The following CASD1 variants were observed in gnomAD, a reference collection of about 807,000 sequenced individuals.
CASD1 encodes N-acetylneuraminate (7)9-O-acetyltransferase.
In CASD1, 41 loss-of-function variants were observed where a neutral mutation model predicts 100.0. That is an observed-to-expected ratio of 0.41 (90% CI 0.32 to 0.53). The LOEUF (loss-of-function observed/expected upper bound fraction) is 0.53, where lower values mean the gene tolerates loss of function less well. Among genes scored for constraint, CASD1 ranks in the 20% least tolerant of loss-of-function variants. The pLI is 0.25. For missense variants in CASD1, 774 were observed against 948.7 expected, an observed-to-expected ratio of 0.82 and a Z score of 2.42; for synonymous variants, 321 against 315.6, an observed-to-expected ratio of 1.02 and a Z score of -0.18.
At chr7:94,515,148 A>G (rs548275961) in intron 1 of CASD1, among the ~76,000 whole-genome samples, 2 of 152,060 alleles carry the variant, frequency 1.3e-5, no homozygotes, top group Non-Finnish European at 2.9e-5. Flanking sequence ...CTACTTAGCA[A>G]TCCTTTATAT....
the CASD1 span, among the ~76,000 whole-genome samples, chr7:94,577,541 C>G: frequency 8.6e-4 from 131 of 152,288 alleles, 1 homozygote; most frequent in African/African-American, 3.0e-3. Flanking sequence ...CACAGAGACT[C>G]AGGATTATCC....
At chr7:94,582,165 T>G in the CASD1 span, among the ~76,000 whole-genome samples, 2 of 152,336 alleles carry the variant, frequency 1.3e-5, no homozygotes, top group South Asian at 2.1e-4. Flanking sequence ...TCGCCCAGAC[T>G]GAAGTGCAGT....
chr7:94,545,597 G>A lies in CASD1; in HGVS notation c.1529G>A (p.Arg510Gln), dbSNP rs774485536. ...GTGGTGTTATGTATAGTAATGGATCGACCTTATCAATTCTATTACTTTGTC... is the reference window on the plus strand; with the variant it reads ...GTGGTGTTATGTATAGTAATGGATCAACCTTATCAATTCTATTACTTTGTC... ...LVVVLCIVMD[R>Q]PYQFYYFVPL... is the part of the protein sequence containing the mutation. The change falls in exon 12 of 18, where the codon CGA becomes CAA. Residue 510 changes from arginine (R) to glutamine (Q), a missense_variant. This residue lies in a region of CASD1 where 453 missense variants were observed against 532.6 expected (regional missense o/e 0.85). Coordinates refer to ENST00000297273, the MANE Select transcript of CASD1 (RefSeq NM_022900.5). 26 of 1,608,244 alleles carry A rather than the reference G, an allele frequency of 1.6e-5. No individual in the cohort carries two copies. The highest frequency in any genetic ancestry group is 2.2e-5 in the East Asian group (1 of 44,768).
At chr7:94,514,841 G>A (rs772605886) in intron 1 of CASD1, among the ~76,000 whole-genome samples, 4 of 152,050 alleles carry the variant, frequency 2.6e-5, no homozygotes, top group African/African-American at 7.2e-5. Flanking sequence ...CACATTAGTT[G>A]TGTTAAAATA....
downstream of CASD1, among the ~76,000 whole-genome samples, chr7:94,561,779 A>G (rs192964172): frequency 1.3e-5 from 2 of 152,242 alleles, no homozygotes; most frequent in African/African-American, 2.4e-5. Flanking sequence ...ACCGTCAGCT[A>G]GCTAATATCT....
chr7:94,565,519 A>G, the CASD1 span, among the ~76,000 whole-genome samples: 1 of 152,174 alleles, frequency 6.6e-6, no homozygotes, highest in East Asian at 1.9e-4. Flanking sequence ...GTGAGCAATA[A>G]CCCACTGACT....
the CASD1 span, among the ~76,000 whole-genome samples, chr7:94,594,034 C>T: frequency 2.6e-5 from 4 of 152,178 alleles, no homozygotes; most frequent in African/African-American, 4.8e-5. Flanking sequence ...TCTGACACAA[C>T]GTGGTTTGGG....
chr7:94,618,953 A>C, the CASD1 span: 1 of 1,611,554 alleles, frequency 6.2e-7, no homozygotes, highest in African/African-American at 1.3e-5. Context: ...TGGCAACGGG[A>C]AGTCTAATTT....
At chr7:94,600,474 C>A in the CASD1 span, 1 of 593,788 alleles carries the variant, frequency 1.7e-6, no homozygotes, top group South Asian at 2.1e-5. Flanking sequence ...ATTTACTAGA[C>A]TCAAAACTAT....
intron 2 of CASD1, among the ~76,000 whole-genome samples, 198 bp from the exon 3 acceptor site, chr7:94,518,005 T>G (rs936166038): frequency 6.6e-6 from 1 of 152,222 alleles, no homozygotes; most frequent in Non-Finnish European, 1.5e-5. Context: ...AAACATGTAA[T>G]GTATCGAGCT....
the CASD1 span, chr7:94,598,534 T>C: frequency 6.1e-3 from 2,911 of 476,774 alleles, 74 homozygotes; most frequent in African/African-American, 0.052. Context: ...AGTGTCAATT[T>C]CTTAAATATT....
chr7:94,624,779 A>AT, the CASD1 span: 3 of 151,932 alleles, frequency 2.0e-5, no homozygotes, highest in African/African-American at 4.8e-5. Context: ...AAAAAAATAG[A>AT]TTTTTTCAAA....
intron 5 of CASD1, among the ~76,000 whole-genome samples, chr7:94,530,359 T>G (rs1416464981): frequency 6.6e-6 from 1 of 152,110 alleles, no homozygotes; most frequent in African/African-American, 2.4e-5. Context: ...TTATGTGTGT[T>G]GGTTTTGGTT....
intron 17 of CASD1, 26 bp from the exon 18 acceptor site, chr7:94,555,466 T>A (rs1413453836): frequency 2.2e-5 from 35 of 1,602,924 alleles, no homozygotes; most frequent in Non-Finnish European, 2.6e-5. Flanking sequence ...TCTATAAATA[T>A]CTGACTTAAA....
At chr7:94,522,957 G>A (rs956942017) in intron 3 of CASD1, among the ~76,000 whole-genome samples, 3 of 152,222 alleles carry the variant, frequency 2.0e-5, no homozygotes, top group South Asian at 4.2e-4. Flanking sequence ...CACTGCACCC[G>A]GCCAACTTTT....
Position 94,512,848 on chromosome 7 carries a change from C to T in CASD1, c.133+2631C>T, listed in dbSNP as rs557353306. Among the ~76,000 whole-genome samples the T allele has an allele frequency of 3.9e-5, 6 of 152,234 alleles. No homozygotes were observed. The South Asian group carries it at 1.0e-3, about 26-fold the overall frequency. The stretch of plus-strand genomic sequence containing the variant: ...GATTCAGTGAATTACAGTATTATTT[C>T]CATTTTAAATATGAAGCATGACAGA... On this transcript the variant is annotated intron_variant, in intron 1 of 17. Transcript: ENST00000297273.
At chr7:94,590,844 A>G in the CASD1 span, 2 of 152,222 alleles carry the variant, frequency 1.3e-5, no homozygotes, top group African/African-American at 4.8e-5. Context: ...TATTTCAGCC[A>G]GGCAAATATT....
the CASD1 span, chr7:94,599,464 T>G: frequency 1.9e-6 from 1 of 522,710 alleles, no homozygotes; most frequent in Non-Finnish European, 3.4e-6. Context: ...ATTCTGAATC[T>G]GAAATATTTT....
In CASD1 at chr7:94,554,404, A is replaced by G. The variant is rs1362696481; in HGVS notation, c.2035-79A>G. 119 of 863,590 alleles carry G rather than the reference A, an allele frequency of 1.4e-4. 2 individuals carry two copies. In the Admixed American group the frequency reaches 2.6e-3, roughly 19 times the overall value. The allele number at this position is 863,590 out of a possible 1,614,324, so 53.5% of individuals were successfully genotyped here. On this transcript the variant is annotated intron_variant, in intron 16 of 17. Transcript: ENST00000297273. Reference sequence around the variant, plus strand: ...GTTCACAAACATAAAGAATAAGGTTATCATTTAAAAGAAAGCTTTATACAA... The same window carrying G: ...GTTCACAAACATAAAGAATAAGGTTGTCATTTAAAAGAAAGCTTTATACAA...
Sources: gnomAD v4.1 joint callset for allele counts (sites outside exome capture counted in the v4.1 genomes callset) on GRCh38, gnomAD v4.1.1 for gene constraint, gnomAD v4.1.1 regional missense constraint, MANE v1.5 for transcripts, NCBI Gene and HGNC (gene_info 2026-07-23, HGNC 2026-07-21) for gene names.